CACNA2D3: variants seen among roughly 807,000 people sequenced by gnomAD.
CACNA2D3 encodes calcium voltage-gated channel auxiliary subunit alpha2delta 3, also known as voltage-dependent calcium channel subunit alpha-2/delta-3.
Under a neutral mutation model 160.6 loss-of-function variants are expected in CACNA2D3, and 60 were observed. The observed-to-expected ratio is 0.37, with a 90% CI of 0.30 to 0.46. The LOEUF (loss-of-function observed/expected upper bound fraction) is 0.46. Ranked by LOEUF, CACNA2D3 falls within the 20% of genes least tolerant of loss-of-function variation. The pLI is 1.00. For synonymous variants in CACNA2D3, 558 were observed against 492.9 expected (o/e 1.13, Z -1.75); for missense variants, 1,205 against 1,365.0 (o/e 0.88, Z 1.85).
At chr3:54,634,235 A>G (rs1288026421) in intron 10 of CACNA2D3, among the ~76,000 whole-genome samples, 2 of 152,080 alleles carry the variant, frequency 1.3e-5, no homozygotes, top group Non-Finnish European at 2.9e-5. Flanking sequence ...TGCCAGGCAC[A>G]CTCCCACTCA....
intron 11 of CACNA2D3, among the ~76,000 whole-genome samples, chr3:54,651,907 A>G (rs990192135): frequency 7.2e-5 from 11 of 152,108 alleles, no homozygotes; most frequent in African/African-American, 2.4e-4. Context: ...TAAGAACCCA[A>G]CCCTTCACTC....
intron 8 of CACNA2D3, among the ~76,000 whole-genome samples, chr3:54,577,617 C>G (rs1226308490): frequency 6.7e-5 from 10 of 149,048 alleles, no homozygotes. Flanking sequence ...TAGCACACAT[C>G]ACACTCACAT....
At chr3:54,965,748 G>T (rs1248475520) in intron 27 of CACNA2D3, among the ~76,000 whole-genome samples, 1 of 152,180 alleles carries the variant, frequency 6.6e-6, no homozygotes, top group African/African-American at 2.4e-5. Flanking sequence ...CTGGAAAGGG[G>T]ATGAGGTCAG....
intron 27 of CACNA2D3, among the ~76,000 whole-genome samples, chr3:54,952,238 T>C (rs76338940): frequency 6.6e-6 from 1 of 152,324 alleles, no homozygotes; most frequent in Non-Finnish European, 1.5e-5. Flanking sequence ...CAAAGGATGT[T>C]GGCCTTGCAC....
chr3:54,620,379 T>A (rs951368735), intron 9 of CACNA2D3, among the ~76,000 whole-genome samples: 3 of 152,142 alleles, frequency 2.0e-5, no homozygotes, highest in Non-Finnish European at 2.9e-5. Context: ...GTGAAGTCCA[T>A]TTGAGGATAC....
intron 4 of CACNA2D3, among the ~76,000 whole-genome samples, chr3:54,490,644 A>G (rs1158359881): frequency 6.6e-6 from 1 of 152,212 alleles, no homozygotes; most frequent in Non-Finnish European, 1.5e-5. Flanking sequence ...GAGGTGAGAA[A>G]GGCACCTCCA....
chr3:55,044,801 C>T (rs1402407203), intron 35 of CACNA2D3, among the ~76,000 whole-genome samples: 1 of 152,042 alleles, frequency 6.6e-6, no homozygotes, highest in Non-Finnish European at 1.5e-5. Context: ...TTCCTAATTT[C>T]TTGAGATTTA....
chr3:54,955,062 G>T (rs1701848654), intron 27 of CACNA2D3, among the ~76,000 whole-genome samples: 1 of 152,164 alleles, frequency 6.6e-6, no homozygotes, highest in Non-Finnish European at 1.5e-5. Context: ...ACTGACAAAA[G>T]ACCGATTAGT....
At chr3:54,515,199 T>TGTGTGTGAGAGA (rs1553706902) in intron 5 of CACNA2D3, among the ~76,000 whole-genome samples, 1 of 143,598 alleles carries the variant, frequency 7.0e-6, no homozygotes, top group African/African-American at 2.6e-5. Context: ...TGTGTGTGTG[T>TGTGTGTGAGAGA]GAGAGAGAGA....
intron 4 of CACNA2D3, among the ~76,000 whole-genome samples, chr3:54,450,494 T>C (rs1035039377): frequency 1.3e-5 from 2 of 152,138 alleles, no homozygotes; most frequent in African/African-American, 4.8e-5. Context: ...TGAGGCCTAA[T>C]GGGAAGTGTT....
intron 2 of CACNA2D3, among the ~76,000 whole-genome samples, chr3:54,233,123 G>A (rs1056349643): frequency 6.6e-6 from 1 of 152,172 alleles, no homozygotes; most frequent in Non-Finnish European, 1.5e-5. Context: ...TAGAGACTGG[G>A]TGTCCTTTTT....
intron 10 of CACNA2D3, chr3:54,632,488 C>T (rs1051154067): frequency 1.3e-5 from 2 of 152,210 alleles, no homozygotes; most frequent in Admixed American, 1.3e-4. Context: ...CTCCCCAGAA[C>T]ATCTCCAGAA....
chr3:54,728,082 T>G (rs543490443), intron 11 of CACNA2D3, among the ~76,000 whole-genome samples: 2 of 152,358 alleles, frequency 1.3e-5, no homozygotes, highest in East Asian at 3.9e-4. Flanking sequence ...TGCATTTATT[T>G]TACTTGGAGT....
At chr3:54,181,324 G>A in intron 2 of CACNA2D3, among the ~76,000 whole-genome samples, 1 of 152,144 alleles carries the variant, frequency 6.6e-6, no homozygotes, top group South Asian at 2.1e-4. Context: ...GGTTGTAAAA[G>A]TAAATAAACT....
rs1202758465 is a variant in CACNA2D3 at position 54,404,470 on chromosome 3, A to T, written c.381+17696A>T. Among the ~76,000 whole-genome samples the T allele has an allele frequency of 2.0e-5, 3 of 152,150 alleles. No individual in the cohort carries two copies. The South Asian group carries it at 6.2e-4, about 31-fold the overall frequency. ...AAAACTCTTAACAGTTTAGGTATAG[A>T]TGGAAGGTTTCTCAGCATAATAAAG... On this transcript the variant is annotated intron_variant, in intron 4 of 37. Coordinates refer to ENST00000474759, the MANE Select transcript of CACNA2D3 (RefSeq NM_018398.3).
intron 5 of CACNA2D3, among the ~76,000 whole-genome samples, chr3:54,529,559 A>G (rs1701775606): frequency 1.3e-5 from 2 of 152,134 alleles, no homozygotes; most frequent in Non-Finnish European, 2.9e-5. Context: ...TTACCTGTGA[A>G]GTGGGAATGA....
At chr3:54,987,954 T>C (rs1235914085) in intron 31 of CACNA2D3, among the ~76,000 whole-genome samples, 1 of 152,160 alleles carries the variant, frequency 6.6e-6, no homozygotes, top group Non-Finnish European at 1.5e-5. Context: ...CAGTTCACAA[T>C]GAGTTTCCTG....
chr3:54,604,102 T>G (rs1444944800), intron 9 of CACNA2D3, among the ~76,000 whole-genome samples: 1 of 152,182 alleles, frequency 6.6e-6, no homozygotes, highest in African/African-American at 2.4e-5. Flanking sequence ...TTGGATTTGT[T>G]TAATTCCTTA....
intron 27 of CACNA2D3, among the ~76,000 whole-genome samples, chr3:54,901,524 G>T (rs760970883): frequency 6.6e-6 from 1 of 152,094 alleles, no homozygotes; most frequent in Admixed American, 6.5e-5. Context: ...GTCTATTGTC[G>T]AGTTGCATCG....
Sources: gnomAD v4.1 joint callset for allele counts (sites outside exome capture counted in the v4.1 genomes callset) on GRCh38, gnomAD v4.1.1 for gene constraint, MANE v1.5 for transcripts, NCBI Gene and HGNC (gene_info 2026-07-23, HGNC 2026-07-21) for gene names.